LRRK2: variants seen among roughly 807,000 people sequenced by gnomAD.
LRRK2 encodes leucine rich repeat kinase 2, also known as leucine-rich repeat serine/threonine-protein kinase 2.
A neutral mutation model predicts 302.6 loss-of-function variants in LRRK2; 203 were observed. The ratio of observed to expected loss-of-function variants is 0.67; its 90% CI spans 0.60 to 0.75. The LOEUF is 0.75. Among genes scored for constraint, LRRK2 ranks in the 30% least tolerant of loss-of-function variants. The pLI is 0.00. For missense variants in LRRK2, 2,830 were observed against 2,951.0 expected (o/e 0.96, Z 0.95); for synonymous variants, 1,066 against 1,031.9 (o/e 1.03, Z -0.63).
chr12:40,337,617 A>G (rs1365434181), intron 40 of LRRK2, among the ~76,000 whole-genome samples: 1 of 152,136 alleles, frequency 6.6e-6, no homozygotes, highest in Middle Eastern at 3.2e-3. Flanking sequence ...TAGTCAATTC[A>G]TTTATTTTTA....
Position 40,319,991 on chromosome 12 carries a change from T to C in LRRK2, c.4831T>C (p.Leu1611=), listed in dbSNP as rs2136879452. 6.2e-7 allele frequency: 1 copy of C among 1,608,042 alleles called. No homozygotes were observed. Among genetic ancestry groups the C allele is most frequent in the Non-Finnish European group, 8.5e-7 (1 of 1,177,058 alleles). Residue 1611 remains leucine (L), a synonymous_variant, in exon 34 of 51, where the codon TTG becomes CTG. Transcript: ENST00000298910. Reference sequence around the variant, plus strand: ...ATTTATGACTCGAATCTTTCAGATTTTGACAGTGAAAGTGGAAGGTTGTCC... The same window carrying C: ...ATTTATGACTCGAATCTTTCAGATTCTGACAGTGAAAGTGGAAGGTTGTCC... ...KWLCKIMAQI[L]TVKVEGCPKH...
chr12:40,320,634 GA>G (rs920454897), intron 34 of LRRK2, among the ~76,000 whole-genome samples: 33 of 152,108 alleles, frequency 2.2e-4, no homozygotes, highest in African/African-American at 7.9e-4. Context: ...AAGCAACTGG[GA>G]AATTTATAAA....
chr12:40,335,441 A>C (rs190182663), intron 40 of LRRK2, among the ~76,000 whole-genome samples: 1 of 152,356 alleles, frequency 6.6e-6, no homozygotes, highest in African/African-American at 2.4e-5. Context: ...ATAAAAATGT[A>C]TAAGTTAGGC....
Position 40,295,623 on chromosome 12 carries a change from C to G in LRRK2, c.3075C>G (p.Ser1025Arg), listed in dbSNP as rs199585333. The part of the protein sequence containing the change: ...KLELHQNALT[S>R]FPQQLCETLK... Reference sequence around the variant, plus strand: ...AGCTTCACCAGAATGCACTCACGAGCTTTCCACAACAGCTATGTGAAGTAA... The same window carrying G: ...AGCTTCACCAGAATGCACTCACGAGGTTTCCACAACAGCTATGTGAAGTAA... Residue 1025 changes from serine (S) to arginine (R), a missense_variant, in exon 23 of 51, where the codon AGC becomes AGG. By Grantham distance (110) the Ser-to-Arg change is moderately radical. Transcript: ENST00000298910. The G allele has an allele frequency of 6.2e-7, 1 of 1,613,892 alleles. No homozygotes were observed. Among genetic ancestry groups the G allele is most frequent in the South Asian group, 1.1e-5 (1 of 91,076 alleles).
In LRRK2 at chr12:40,365,021, C is replaced by A. The variant is rs201502655; in HGVS notation, c.7361C>A (p.Ser2454Ter). ...CGTGTAATTTACAACTTTTGTAATTCGGTCAGAGTCATGATGACAGCACAG... is the reference window on the plus strand; with the variant it reads ...CGTGTAATTTACAACTTTTGTAATTAGGTCAGAGTCATGATGACAGCACAG... ...LIRVIYNFCN[S>*]VRVMMTAQLG... The change falls in exon 49 of 51, where the codon TCG (serine) becomes TAG (stop). Residue 2454 changes from serine to a stop codon, truncating the protein, a stop_gained. Coordinates refer to ENST00000298910, the MANE Select transcript of LRRK2 (RefSeq NM_198578.4). LOFTEE classifies it high-confidence loss of function. 14 of 1,612,358 alleles carry A rather than the reference C, an allele frequency of 8.7e-6. No homozygotes were observed. The highest frequency in any genetic ancestry group is 1.2e-5 in the Non-Finnish European group (14 of 1,178,912).
intron 39 of LRRK2, among the ~76,000 whole-genome samples, chr12:40,332,960 T>TAAA (rs35031086): frequency 4.2e-5 from 6 of 142,074 alleles, no homozygotes; most frequent in South Asian, 2.2e-4. Flanking sequence ...CTTCTTCTCT[T>TAAA]AAAAAAAAAA....
chr12:40,305,995 A>G, intron 28 of LRRK2, 29 bp downstream of exon 28: 1 of 1,543,884 alleles, frequency 6.5e-7, no homozygotes, highest in South Asian at 1.1e-5. Flanking sequence ...ATTTGGTTTT[A>G]CTAAATTTAT....
At chr12:40,301,503 T>C (rs1399649223) in intron 25 of LRRK2, among the ~76,000 whole-genome samples, 1 of 152,148 alleles carries the variant, frequency 6.6e-6, no homozygotes, top group Non-Finnish European at 1.5e-5. Context: ...CCATACAGCA[T>C]ATGAAACTCA....
chr12:40,314,105 T>C lies in LRRK2; in HGVS notation c.4670T>C (p.Val1557Ala). 1 of 1,612,742 alleles carries C rather than the reference T, an allele frequency of 6.2e-7. No individual in the cohort carries two copies. The highest frequency in any genetic ancestry group is 8.5e-7 in the Non-Finnish European group (1 of 1,179,044). ...VIDRKRLLQL[V>A]RENQLQLDEN... ...GACCGGAAACGATTATTACAACTAG[T>C]GAGAGAAAATCAGCTGCAGTTAGAT... Residue 1557 changes from valine (V) to alanine (A), a missense_variant, in exon 32 of 51, where the codon GTG (valine) becomes GCG (alanine). By Grantham distance (64) the Val-to-Ala change is moderately conservative. Around this residue, in one of 3 missense-constraint regions of LRRK2, gnomAD observed 2,121 missense variants for 2,148.0 expected, o/e 0.99. Coordinates refer to ENST00000298910, the MANE Select transcript of LRRK2 (RefSeq NM_198578.4).
In LRRK2 at chr12:40,340,527, A is replaced by G. The variant is rs1946008064; in HGVS notation, c.6109+73A>G. 2.7e-6 allele frequency: 4 copies of G among 1,478,660 alleles called. No individual in the cohort carries two copies. The East Asian group carries it at 9.0e-5, about 33-fold the overall frequency. The allele number at this position is 1,478,660 out of a possible 1,614,324, so 91.6% of individuals were successfully genotyped here. A position where few individuals can be genotyped will look rare whatever the true frequency, so the allele number is the denominator to read the frequency against. On this transcript the variant is annotated intron_variant, in intron 41 of 50. Transcript: ENST00000298910. The stretch of plus-strand genomic sequence containing the variant: ...CACTGACCTCAGATGTGAGTTCAGA[A>G]GAGTCAAAAGGAAAACAGAGTCTAT...
At chr12:40,300,890 A>G (rs1258545444) in intron 25 of LRRK2, 5 of 471,018 alleles carry the variant, frequency 1.1e-5, no homozygotes, top group African/African-American at 1.0e-4. Flanking sequence ...TGCCTGTGAC[A>G]TTTAAGTTGG....
chr12:40,348,178 G>A (rs879712059), intron 42 of LRRK2, among the ~76,000 whole-genome samples: 2 of 145,136 alleles, frequency 1.4e-5, no homozygotes, highest in South Asian at 4.7e-4. Context: ...TTATTAAATC[G>A]TTATTTGGGT....
At chr12:40,347,678 C>G (rs991126406) in intron 42 of LRRK2, among the ~76,000 whole-genome samples, 3 of 152,094 alleles carry the variant, frequency 2.0e-5, no homozygotes, top group African/African-American at 7.2e-5. Context: ...ATATTCAGGT[C>G]TCTGCTGGGT....
At position 40,367,557 on chromosome 12, in the gene LRRK2, C is replaced by G. The variant is rs41286462; in HGVS notation, c.7463-87C>G. 2.7e-3 allele frequency: 3,627 copies of G among 1,359,132 alleles called. 17 individuals carry two copies. The highest frequency in any genetic ancestry group is 4.8e-3 in the Admixed American group (223 of 46,368). The allele number at this position is 1,359,132 out of a possible 1,614,324, so 84.2% of individuals were successfully genotyped here. A position where few individuals can be genotyped will look rare whatever the true frequency, so the allele number is the denominator to read the frequency against. On this transcript the variant is annotated intron_variant, in intron 50 of 50. Coordinates refer to ENST00000298910, the MANE Select transcript of LRRK2 (RefSeq NM_198578.4). ...TTATATTTACATTTATCTAAGTCAA[C>G]TAAAAATACATGAGCCAAACTGAAA...
intron 42 of LRRK2, among the ~76,000 whole-genome samples, chr12:40,347,616 C>A (rs190358413): frequency 1.1e-4 from 17 of 152,266 alleles, no homozygotes; most frequent in Non-Finnish European, 1.9e-4. Flanking sequence ...ATTGGATAAA[C>A]CTTAGATATA....
intron 39 of LRRK2, among the ~76,000 whole-genome samples, chr12:40,329,177 A>T (rs572116898): frequency 6.6e-6 from 1 of 152,230 alleles, no homozygotes; most frequent in African/African-American, 2.4e-5. Flanking sequence ...AAGATGGAGA[A>T]AGTTAGCATG....
rs547885570 is a variant in LRRK2 at position 40,265,387 on chromosome 12, A to G, written c.1656+1486A>G. Among the ~76,000 whole-genome samples, 8 of 152,310 alleles carry G rather than the reference A, an allele frequency of 5.3e-5. No individual in the cohort carries two copies. In the South Asian group the frequency reaches 1.5e-3, roughly 28 times the overall value. ...GCAGCATCGAGTAATTTATTGCAAA[A>G]GAAAAAGAATATTTTGCAAGTTAAG... On this transcript the variant is annotated intron_variant, in intron 14 of 50. Coordinates refer to ENST00000298910, the MANE Select transcript of LRRK2 (RefSeq NM_198578.4).
rs747721766 is a variant in LRRK2, at chr12:40,359,203, G to T, written c.6844-57G>T. The stretch of plus-strand genomic sequence containing the variant: ...TTTTTGAAAGCACAGATTTTATGGA[G>T]TTTTGTTCTGTGGATACTCAATTTG... On this transcript the variant is annotated intron_variant, in intron 46 of 50. Transcript: ENST00000298910. 4 of 1,454,148 alleles carry T rather than the reference G, an allele frequency of 2.8e-6. No individual in the cohort carries two copies. The East Asian group carries it at 9.3e-5, about 34-fold the overall frequency. The allele number at this position is 1,454,148 out of a possible 1,614,324, so 90.1% of individuals were successfully genotyped here.
At chr12:40,250,057 C>T in intron 8 of LRRK2, 112 bp downstream of exon 8, 1 of 1,313,492 alleles carries the variant, frequency 7.6e-7, no homozygotes, top group Non-Finnish European at 1.1e-6. Context: ...CCTTTTCTGT[C>T]CTGTGTAGCT....
Sources: allele counts gnomAD v4.1 joint callset (sites outside exome capture counted in the v4.1 genomes callset), GRCh38; gene constraint gnomAD v4.1.1; regional missense constraint gnomAD v4.1.1; transcripts MANE v1.5; gene names NCBI Gene and HGNC (gene_info 2026-07-23, HGNC 2026-07-21).